FRMPD1: variants seen among roughly 807,000 people sequenced by gnomAD.
FRMPD1 encodes the protein FERM and PDZ domain containing 1, also known as FERM and PDZ domain-containing protein 1.
FRMPD1 carries 76 observed loss-of-function variants against 117.8 expected under a neutral mutation model. That is an observed-to-expected ratio of 0.65 (90% CI 0.54 to 0.78). FRMPD1 has a LOEUF of 0.78. Among genes scored for constraint, FRMPD1 ranks in the 30% least tolerant of loss-of-function variants. FRMPD1 has a pLI of 0.00. For synonymous variants in FRMPD1, 783 were observed against 770.4 expected (o/e 1.02, Z -0.27); for missense variants, 1,786 against 1,964.5 (o/e 0.91, Z 1.72).
chr9:37,661,276 C>A (rs1050980022), intron 1 of FRMPD1, among the ~76,000 whole-genome samples: 7 of 152,132 alleles, frequency 4.6e-5, no homozygotes, highest in Non-Finnish European at 1.0e-4. Context: ...AGTACCCAGG[C>A]CTTTGACTTC....
At chr9:37,682,060 T>A (rs1459567357) in intron 1 of FRMPD1, among the ~76,000 whole-genome samples, 2 of 152,124 alleles carry the variant, frequency 1.3e-5, no homozygotes, top group Non-Finnish European at 2.9e-5. Context: ...AGGATTTGAA[T>A]AAGTCCTAGA....
intron 1 of FRMPD1, among the ~76,000 whole-genome samples, chr9:37,683,564 G>A: frequency 6.6e-6 from 1 of 152,220 alleles, no homozygotes; most frequent in South Asian, 2.1e-4. Flanking sequence ...AGGGAGTATG[G>A]ACTAGGCAAA....
chr9:37,718,127 C>T (rs1563947113), intron 5 of FRMPD1, among the ~76,000 whole-genome samples: 1 of 152,184 alleles, frequency 6.6e-6, no homozygotes, highest in Non-Finnish European at 1.5e-5. Context: ...TATCTTTTTG[C>T]ATTAAAATTT....
chr9:37,638,728 C>T, the FRMPD1 span, among the ~76,000 whole-genome samples: 2 of 152,106 alleles, frequency 1.3e-5, no homozygotes, highest in African/African-American at 4.8e-5. Context: ...CTGCAAGTTC[C>T]CCACTTAGTA....
At chr9:37,731,688 A>G (rs1823888174) in intron 9 of FRMPD1, among the ~76,000 whole-genome samples, 1 of 152,190 alleles carries the variant, frequency 6.6e-6, no homozygotes. Context: ...CTTGGCCAAC[A>G]TGGTGAAACC....
the FRMPD1 span, among the ~76,000 whole-genome samples, chr9:37,616,976 T>C: frequency 6.6e-6 from 1 of 152,222 alleles, no homozygotes; most frequent in African/African-American, 2.4e-5. Context: ...CACTGCTGGA[T>C]GTACAAGGAC....
chr9:37,654,646 A>T (rs548554011), intron 1 of FRMPD1, among the ~76,000 whole-genome samples: 2 of 152,336 alleles, frequency 1.3e-5, no homozygotes, highest in Admixed American at 6.5e-5. Context: ...ACCAAATAAA[A>T]GTTCAATTGA....
intron 1 of FRMPD1, chr9:37,662,009 A>T (rs1041831468): frequency 4.5e-5 from 7 of 154,008 alleles, no homozygotes; most frequent in Non-Finnish European, 2.9e-5. Flanking sequence ...CCTGGTGACC[A>T]GTGGGGTGAC....
Position 37,740,924 on chromosome 9 carries a change from C to A in FRMPD1, c.2356+40C>A. The A allele has an allele frequency of 6.8e-7, 1 of 1,480,508 alleles. No homozygotes were observed. The highest frequency in any genetic ancestry group is 9.4e-7 in the Non-Finnish European group (1 of 1,058,378). 91.7% of individuals were successfully genotyped at this position (1,480,508 alleles called of 1,614,324 possible). ...GCAGGTCTGCAGACACGGCAGGCAGCTCCTGAGTGCCTCCCGGGGATCAAG... is the reference window on the plus strand; with the variant it reads ...GCAGGTCTGCAGACACGGCAGGCAGATCCTGAGTGCCTCCCGGGGATCAAG... On this transcript the variant is annotated intron_variant, in intron 15 of 15. Coordinates refer to ENST00000377765, the MANE Select transcript of FRMPD1 (RefSeq NM_014907.3). This position sits in a 1 kb window ranked among gnomAD's most constrained non-coding sequence, Gnocchi z 4.2.
the FRMPD1 span, among the ~76,000 whole-genome samples, chr9:37,639,594 G>A: frequency 2.6e-5 from 4 of 152,074 alleles, no homozygotes; most frequent in Non-Finnish European, 2.9e-5. Context: ...TGTATCCTTC[G>A]TAACACCTCT....
the FRMPD1 span, among the ~76,000 whole-genome samples, chr9:37,606,011 G>A: frequency 3.9e-5 from 6 of 152,084 alleles, no homozygotes; most frequent in Admixed American, 1.3e-4. Flanking sequence ...TCAGCCTTAC[G>A]GAAGTTTAAA....
intron 1 of FRMPD1, among the ~76,000 whole-genome samples, chr9:37,673,354 GA>G (rs1196043552): frequency 6.6e-6 from 1 of 152,234 alleles, no homozygotes; most frequent in African/African-American, 2.4e-5. Context: ...GCTGATGCAA[GA>G]GGTGGGTTCC....
chr9:37,685,405 A>T (rs959486597), intron 1 of FRMPD1, among the ~76,000 whole-genome samples: 2 of 151,998 alleles, frequency 1.3e-5, no homozygotes. Flanking sequence ...GCACTTTGGG[A>T]GGCCAAGGCG....
intron 7 of FRMPD1, chr9:37,727,903 A>T (rs1379239096): frequency 6.6e-6 from 1 of 152,260 alleles, no homozygotes; most frequent in Non-Finnish European, 1.5e-5. Flanking sequence ...TTCTGGCAGG[A>T]CATTTATGAT....
At chr9:37,618,145 A>G in the FRMPD1 span, among the ~76,000 whole-genome samples, 1 of 152,266 alleles carries the variant, frequency 6.6e-6, no homozygotes, top group South Asian at 2.1e-4. Flanking sequence ...TAACTGCCAG[A>G]TAATGATAGC....
intron 1 of FRMPD1, among the ~76,000 whole-genome samples, chr9:37,660,447 G>A (rs1389536967): frequency 6.6e-6 from 1 of 152,136 alleles, no homozygotes; most frequent in Non-Finnish European, 1.5e-5. Context: ...TCATCCGATG[G>A]AGCTGCACTG....
In FRMPD1 at chr9:37,681,880, G is replaced by A. The variant is rs184321683; in HGVS notation, c.-4-10758G>A. On this transcript the variant is annotated intron_variant, in intron 1 of 15. Coordinates refer to ENST00000377765, the MANE Select transcript of FRMPD1 (RefSeq NM_014907.3). ...CAGAAAACAAGACCTGAATCCATACGAAGTTAGAAAACACAAGACAAGAGC... is the reference window on the plus strand; with the variant it reads ...CAGAAAACAAGACCTGAATCCATACAAAGTTAGAAAACACAAGACAAGAGC... Among the ~76,000 whole-genome samples the A allele has an allele frequency of 8.5e-5, 13 of 152,304 alleles. No individual in the cohort carries two copies. The East Asian group carries it at 1.9e-3, about 23-fold the overall frequency.
chr9:37,673,766 T>C (rs1448579487), intron 1 of FRMPD1, among the ~76,000 whole-genome samples: 1 of 152,258 alleles, frequency 6.6e-6, no homozygotes, highest in African/African-American at 2.4e-5. Flanking sequence ...CTGGCAAGGT[T>C]TGGGGTTTCC....
In FRMPD1 at chr9:37,713,028, T is replaced by C. The variant is rs557847955; in HGVS notation, c.408+1633T>C. On this transcript the variant is annotated intron_variant, in intron 5 of 15. Transcript: ENST00000377765. ...TAAAAGGAGATACATACTATGTTCC[T>C]TGATGGGGAGACTAAGTATTATTAA... is the stretch of plus-strand genomic sequence containing the variant. Among the ~76,000 whole-genome samples the C allele has an allele frequency of 2.7e-4, 41 of 152,094 alleles. No homozygotes were observed. The South Asian group carries it at 8.3e-3, about 31-fold the overall frequency.
Sources: allele counts gnomAD v4.1 joint callset (sites outside exome capture counted in the v4.1 genomes callset), GRCh38; gene constraint gnomAD v4.1.1; non-coding constraint Gnocchi (gnomAD v3.1); transcripts MANE v1.5; gene names NCBI Gene and HGNC (gene_info 2026-07-23, HGNC 2026-07-21).